LRRFIP2: variants seen among roughly 807,000 people sequenced by gnomAD.
The protein encoded by LRRFIP2 is LRR binding FLII interacting protein 2.
LRRFIP2 carries 109 observed loss-of-function variants against 125.9 expected under a neutral mutation model. The observed-to-expected ratio is 0.87, with a 90% CI of 0.74 to 1.01. The LOEUF (loss-of-function observed/expected upper bound fraction) is 1.01. LRRFIP2 is among the 50% of genes least tolerant of loss of function. The pLI is 0.00. For synonymous variants in LRRFIP2, 291 were observed against 293.1 expected, an observed-to-expected ratio of 0.99 and a Z score of 0.07; for missense variants, 850 against 862.3, an observed-to-expected ratio of 0.99 and a Z score of 0.18.
chr3:37,123,288 G>A (rs1409339129), intron 4 of LRRFIP2, among the ~76,000 whole-genome samples: 1 of 152,038 alleles, frequency 6.6e-6, no homozygotes, highest in East Asian at 1.9e-4. Flanking sequence ...TCCTGGATTC[G>A]AGCAATTCTC....
In LRRFIP2 at chr3:37,115,074, ATC is replaced by A. The variant is rs771651732; in HGVS notation, c.350_351del (p.Arg117IlefsTer23). On this transcript the variant is annotated frameshift_variant, in exon 7 of 28. Transcript: ENST00000336686. LOFTEE classifies it high-confidence loss of function. ...GSHRYDMFKDRSSRLSSLNHS... is the reference protein window; with the variant it reads ...GSHRYDMFKDXSSRLSSLNHS... ...CATACTAATGATGAAAGTCTTGATG[ATC>A]TATCCTTGAACATATCATACTGGGT... is the stretch of plus-strand genomic sequence containing the variant. 5 of 1,607,110 alleles carry A rather than the reference ATC, an allele frequency of 3.1e-6. No homozygotes were observed. In the East Asian group the frequency reaches 6.7e-5, roughly 22 times the overall value.
chr3:37,127,820 G>A (rs948758021), intron 3 of LRRFIP2, 140 bp from the exon 4 acceptor site: 1 of 672,726 alleles, frequency 1.5e-6, no homozygotes, highest in Non-Finnish European at 2.7e-6. Flanking sequence ...CAGAAAATTA[G>A]TAAGCTAAAT....
rs2085995408 is a variant in LRRFIP2 at position 37,053,548 on chromosome 3, G to C, written c.*303C>G. 4 of 322,986 alleles carry C rather than the reference G, an allele frequency of 1.2e-5. No homozygotes were observed. Among genetic ancestry groups the C allele is most frequent in the Non-Finnish European group, 2.4e-5 (4 of 169,664 alleles). The allele number at this position is 322,986 out of a possible 1,614,324, so 20.0% of individuals were successfully genotyped here. A position where few individuals can be genotyped will look rare whatever the true frequency, so the allele number is the denominator to read the frequency against. ...CCAGAACCCGTGCCAAGGCCTCCGA[G>C]TGCCCAGTTACTGAGGCAGCTGGGG... On this transcript the variant is annotated 3_prime_UTR_variant, in exon 28 of 28. Transcript: ENST00000336686.
intron 4 of LRRFIP2, among the ~76,000 whole-genome samples, chr3:37,122,975 T>A (rs547621323): frequency 6.6e-6 from 1 of 152,346 alleles, no homozygotes; most frequent in Admixed American, 6.5e-5. Flanking sequence ...ATCTATACAT[T>A]ACTGACCAAC....
At chr3:37,066,463 C>T in intron 21 of LRRFIP2, 138 bp from the exon 22 acceptor site, 1 of 695,920 alleles carries the variant, frequency 1.4e-6, no homozygotes. Context: ...TGGAAACAAA[C>T]AGTCAGATAT....
intron 2 of LRRFIP2, among the ~76,000 whole-genome samples, chr3:37,147,989 T>A (rs1391472052): frequency 6.6e-6 from 1 of 152,126 alleles, no homozygotes; most frequent in Non-Finnish European, 1.5e-5. Flanking sequence ...ACATAAAAAT[T>A]CCACTGCAAT....
chr3:37,075,066 T>C lies in LRRFIP2; in HGVS notation c.1329A>G (p.Glu443=). The C allele has an allele frequency of 6.2e-7, 1 of 1,613,012 alleles. No homozygotes were observed. Among genetic ancestry groups the C allele is most frequent in the Non-Finnish European group, 8.5e-7 (1 of 1,179,848 alleles). ...TTTGCCGCAGGCCTTCTTTAAGTTCTTCCATCTTATGCTGCAGCACACTAC... is the reference window on the plus strand; with the variant it reads ...TTTGCCGCAGGCCTTCTTTAAGTTCCTCCATCTTATGCTGCAGCACACTAC... ...HMCSVLQHKM[E]ELKEGLRQRD... Residue 443 remains glutamate, a synonymous_variant, in exon 20 of 28, where the codon GAA becomes GAG. Coordinates refer to ENST00000336686, the MANE Select transcript of LRRFIP2 (RefSeq NM_006309.4).
At chr3:37,104,852 T>C (rs200826313) in intron 14 of LRRFIP2, among the ~76,000 whole-genome samples, 1 of 152,122 alleles carries the variant, frequency 6.6e-6, no homozygotes, top group East Asian at 1.9e-4. Flanking sequence ...CTTTTTTTTT[T>C]TTTCTTTTGA....
At chr3:37,127,487 T>C in intron 4 of LRRFIP2, 143 bp downstream of exon 4, 2 of 791,484 alleles carry the variant, frequency 2.5e-6, no homozygotes, top group African/African-American at 1.7e-5. Flanking sequence ...TCTGGTCCAC[T>C]ATAGACAGAA....
intron 24 of LRRFIP2, 70 bp downstream of exon 24, chr3:37,063,672 T>A: frequency 8.9e-7 from 1 of 1,122,274 alleles, no homozygotes; most frequent in Non-Finnish European, 1.4e-6. Flanking sequence ...TAATGAACAT[T>A]TCAATTAGCC....
intron 1 of LRRFIP2, among the ~76,000 whole-genome samples, chr3:37,155,879 AG>A (rs777264280): frequency 1.7e-4 from 26 of 152,048 alleles, no homozygotes; most frequent in Non-Finnish European, 2.6e-4. Flanking sequence ...GTTTAAAAAA[AG>A]TTTTTTTTTG....
chr3:37,104,302 A>C (rs1314541069), intron 14 of LRRFIP2, among the ~76,000 whole-genome samples: 1 of 152,232 alleles, frequency 6.6e-6, no homozygotes, highest in Non-Finnish European at 1.5e-5. Context: ...ACTAACAGGT[A>C]GTAGAAGTGG....
intron 1 of LRRFIP2, among the ~76,000 whole-genome samples, chr3:37,157,125 G>T (rs891814590): frequency 6.6e-6 from 1 of 151,292 alleles, no homozygotes; most frequent in Non-Finnish European, 1.5e-5. Context: ...GTGCAACCCC[G>T]TCTCAAAACA....
intron 4 of LRRFIP2, among the ~76,000 whole-genome samples, chr3:37,126,868 A>AAAAAAAG (rs59982718): frequency 6.8e-6 from 1 of 147,218 alleles, no homozygotes; most frequent in African/African-American, 2.5e-5. Flanking sequence ...TCAAAAAAAA[A>AAAAAAAG]AAAGAAAGAA....
intron 1 of LRRFIP2, among the ~76,000 whole-genome samples, chr3:37,173,589 A>G (rs1459141380): frequency 1.3e-5 from 2 of 152,248 alleles, no homozygotes; most frequent in Non-Finnish European, 2.9e-5. Flanking sequence ...GGAAAAAGCT[A>G]CGAAACAGCC....
chr3:37,095,004 T>G, intron 16 of LRRFIP2, 96 bp from the exon 17 acceptor site: 1 of 788,726 alleles, frequency 1.3e-6, no homozygotes, highest in South Asian at 1.4e-5. Context: ...GGGGAAGATG[T>G]GGGTTTCAGA....
intron 18 of LRRFIP2, among the ~76,000 whole-genome samples, chr3:37,088,782 G>A (rs188561114): frequency 4.5e-4 from 69 of 152,030 alleles, no homozygotes; most frequent in Admixed American, 1.5e-3. Context: ...GAGTGACAGA[G>A]CAAGAGACCT....
intron 13 of LRRFIP2, 61 bp from the exon 14 acceptor site, chr3:37,105,584 A>C: frequency 8.1e-7 from 1 of 1,237,652 alleles, no homozygotes; most frequent in South Asian, 1.2e-5. Context: ...TTACCTCATT[A>C]TAAGTACATT....
At chr3:37,167,653 C>CAA (rs533367910) in intron 1 of LRRFIP2, among the ~76,000 whole-genome samples, 2 of 74,502 alleles carry the variant, frequency 2.7e-5, no homozygotes, top group Admixed American at 1.7e-4. Context: ...CACTCTGTCT[C>CAA]AAAAAAAAAA....
Sources: gnomAD v4.1 joint callset for allele counts (sites outside exome capture counted in the v4.1 genomes callset) on GRCh38, gnomAD v4.1.1 for gene constraint, MANE v1.5 for transcripts, NCBI Gene and HGNC (gene_info 2026-07-23, HGNC 2026-07-21) for gene names.